GANC: variants seen among roughly 807,000 people sequenced by gnomAD.
GANC encodes the protein glucosidase alpha, neutral C.
Under a neutral mutation model 124.2 loss-of-function variants are expected in GANC, and 117 were observed. The ratio of observed to expected loss-of-function variants is 0.94; its 90% CI spans 0.81 to 1.10. The LOEUF (loss-of-function observed/expected upper bound fraction) is 1.10. Among genes scored for constraint, GANC ranks in the 50% least tolerant of loss-of-function variants. GANC has a pLI of 0.00. For missense variants in GANC, 1,140 were observed against 1,095.0 expected, an observed-to-expected ratio of 1.04 and a Z score of -0.58; for synonymous variants, 377 against 376.8, an observed-to-expected ratio of 1.00 and a Z score of -0.01.
At chr15:42,332,641 C>T (rs1259523919) in intron 15 of GANC, among the ~76,000 whole-genome samples, 2 of 152,138 alleles carry the variant, frequency 1.3e-5, no homozygotes, top group Non-Finnish European at 2.9e-5. Context: ...ATTTCAAAAT[C>T]ATTATGTAAA....
At chr15:42,280,528 T>C (rs942739033) in intron 3 of GANC, among the ~76,000 whole-genome samples, 36 of 152,116 alleles carry the variant, frequency 2.4e-4, no homozygotes, top group African/African-American at 8.4e-4. Context: ...CTCCAGGAAA[T>C]GCATCAAGTC....
chr15:42,346,604 A>C lies in GANC; in HGVS notation c.2304+772A>C, dbSNP rs1009507992. ...AGAATGAGACATCAGAGACAAACAC[A>C]CCTCTTCCCCGTATGTTTACATTTG... On this transcript the variant is annotated intron_variant, in intron 20 of 23. Coordinates refer to ENST00000318010, the MANE Select transcript of GANC (RefSeq NM_198141.3). Among the ~76,000 whole-genome samples the C allele has an allele frequency of 4.9e-4, 74 of 152,154 alleles. 1 individual carries two copies. The highest frequency in any genetic ancestry group is 1.8e-3 in the African/African-American group (73 of 41,492).
At chr15:42,291,230 G>T (rs1384409055) in intron 4 of GANC, among the ~76,000 whole-genome samples, 1 of 152,146 alleles carries the variant, frequency 6.6e-6, no homozygotes, top group Non-Finnish European at 1.5e-5. Flanking sequence ...GAACTTAATT[G>T]TAGATCAGGC....
intron 9 of GANC, 45 bp from the exon 10 acceptor site, chr15:42,310,648 G>A: frequency 6.3e-7 from 1 of 1,591,382 alleles, no homozygotes; most frequent in Non-Finnish European, 8.6e-7. Flanking sequence ...GGATGTTGCA[G>A]GTTAGAGGGA....
At chr15:42,305,645 T>C in intron 6 of GANC, among the ~76,000 whole-genome samples, 1 of 152,224 alleles carries the variant, frequency 6.6e-6, no homozygotes, top group East Asian at 1.9e-4. Context: ...CATTCACACA[T>C]ATGTTTATTG....
Position 42,321,910 on chromosome 15 carries a change from A to C in GANC, c.1183A>C (p.Met395Leu). 6.2e-7 allele frequency: 1 copy of C among 1,614,254 alleles called. No individual in the cohort carries two copies. The highest frequency in any genetic ancestry group is 8.5e-7 in the Non-Finnish European group (1 of 1,180,044). ...FDEHDIPYDA[M>L]WLDIEHTEGK... ...TGAGCATGACATTCCTTATGATGCC[A>C]TGTGGCTGGACATAGAGCACACTGA... is the stretch of plus-strand genomic sequence containing the variant. Residue 395 changes from methionine (M) to leucine (L), a missense_variant, in exon 11 of 24, where the codon ATG (methionine) becomes CTG (leucine). Transcript: ENST00000318010.
In GANC at chr15:42,274,521, A is replaced by C; in HGVS notation, c.29+11A>C. ...GAAAGAGGAAATAAGGTAAAGGCCA[A>C]GTGCTTCTGTAGCGAGTGACCCCAG... On this transcript the variant is annotated intron_variant, in intron 1 of 23. Coordinates refer to ENST00000318010, the MANE Select transcript of GANC (RefSeq NM_198141.3). 6.2e-7 allele frequency: 1 copy of C among 1,607,022 alleles called. No homozygotes were observed. The highest frequency in any genetic ancestry group is 1.3e-5 in the African/African-American group (1 of 74,992).
intron 4 of GANC, 120 bp from the exon 5 acceptor site, chr15:42,292,615 C>G: frequency 1.0e-6 from 1 of 967,690 alleles, no homozygotes. Context: ...TCTCTGTTGC[C>G]TTATCTATGG....
intron 23 of GANC, 37 bp from the exon 24 acceptor site, chr15:42,351,993 C>G: frequency 6.2e-7 from 1 of 1,612,042 alleles, no homozygotes. Context: ...TCTAGAGATT[C>G]ATCAAAATTT....
intron 15 of GANC, among the ~76,000 whole-genome samples, chr15:42,333,356 G>T (rs2052261222): frequency 6.6e-6 from 1 of 151,504 alleles, no homozygotes; most frequent in African/African-American, 2.4e-5. Context: ...TTTTTTCCTG[G>T]CCATAGGGCG....
At chr15:42,312,870 G>C (rs1445784931) in intron 10 of GANC, among the ~76,000 whole-genome samples, 1 of 151,692 alleles carries the variant, frequency 6.6e-6, no homozygotes. Flanking sequence ...ACAAGGCGAG[G>C]TGGAGGTTGC....
intron 2 of GANC, 28 bp from the exon 3 acceptor site, chr15:42,278,454 C>G (rs959746419): frequency 1.4e-6 from 2 of 1,412,310 alleles, no homozygotes; most frequent in African/African-American, 2.8e-5. Context: ...AAATAATTAT[C>G]AAGCATCTGC....
chr15:42,279,056 T>C (rs941105593), intron 3 of GANC, among the ~76,000 whole-genome samples: 2 of 152,202 alleles, frequency 1.3e-5, no homozygotes, highest in Non-Finnish European at 2.9e-5. Flanking sequence ...CTAATAATAT[T>C]GTAATAGGTA....
chr15:42,337,177 T>TG (rs2052289477), intron 15 of GANC, among the ~76,000 whole-genome samples: 1 of 152,152 alleles, frequency 6.6e-6, no homozygotes, highest in South Asian at 2.1e-4. Flanking sequence ...TAAAGACACA[T>TG]GCGCGTGTAT....
chr15:42,336,402 A>G (rs1221697305), intron 15 of GANC, among the ~76,000 whole-genome samples: 1 of 152,234 alleles, frequency 6.6e-6, no homozygotes, highest in Non-Finnish European at 1.5e-5. Context: ...CTATTCAACA[A>G]GTGGTGCTGG....
At chr15:42,301,942 A>G (rs1294817165) in intron 6 of GANC, among the ~76,000 whole-genome samples, 1 of 152,200 alleles carries the variant, frequency 6.6e-6, no homozygotes, top group African/African-American at 2.4e-5. Context: ...AGACTTAAAC[A>G]TTCGTGCCTG....
chr15:42,275,191 A>G (rs2051653245), intron 1 of GANC, among the ~76,000 whole-genome samples: 2 of 152,130 alleles, frequency 1.3e-5, no homozygotes, highest in Non-Finnish European at 2.9e-5. Context: ...CCTGGGCAAC[A>G]TGCTGAATCC....
intron 6 of GANC, among the ~76,000 whole-genome samples, chr15:42,299,326 G>A (rs889587563): frequency 1.3e-5 from 2 of 152,108 alleles, no homozygotes; most frequent in African/African-American, 4.8e-5. Flanking sequence ...ATAATCATGT[G>A]GTTTTTGTCT....
chr15:42,323,720 C>A (rs1434200227), intron 11 of GANC, among the ~76,000 whole-genome samples: 1 of 152,242 alleles, frequency 6.6e-6, no homozygotes, highest in African/African-American at 2.4e-5. Flanking sequence ...CCAGGCTGGT[C>A]TTGAACTCCT....
Sources: gnomAD v4.1 joint callset for allele counts (sites outside exome capture counted in the v4.1 genomes callset) on GRCh38, gnomAD v4.1.1 for gene constraint, MANE v1.5 for transcripts, NCBI Gene and HGNC (gene_info 2026-07-23, HGNC 2026-07-21) for gene names.